CD80: variants seen among roughly 807,000 people sequenced by gnomAD.
CD80 encodes T-lymphocyte activation antigen CD80.
Under a neutral mutation model 27.1 loss-of-function variants are expected in CD80, and 13 were observed. That is an observed-to-expected ratio of 0.48 (90% confidence interval 0.31 to 0.76). The LOEUF (loss-of-function observed/expected upper bound fraction) is 0.76, where lower values mean the gene tolerates loss of function less well. CD80 is among the 30% of genes least tolerant of loss of function. CD80 has a pLI of 0.04. For synonymous variants in CD80, 125 were observed against 125.5 expected (o/e 1.00, Z 0.03); for missense variants, 277 against 347.9 (o/e 0.80, Z 1.62).
At chr3:119,532,231 G>A (rs1017088397) in intron 4 of CD80, among the ~76,000 whole-genome samples, 3 of 152,168 alleles carry the variant, frequency 2.0e-5, no homozygotes, top group African/African-American at 7.2e-5. Context: ...GCTGGGCACA[G>A]TGGCTCACAC....
intron 2 of CD80, among the ~76,000 whole-genome samples, chr3:119,552,768 T>C (rs2082241056): frequency 6.6e-6 from 1 of 152,106 alleles, no homozygotes; most frequent in South Asian, 2.1e-4. Context: ...ATACGCAACA[T>C]GGATGAACCT....
chr3:119,536,854 C>T (rs373521578), intron 4 of CD80, among the ~76,000 whole-genome samples: 13 of 152,236 alleles, frequency 8.5e-5, no homozygotes, highest in South Asian at 2.1e-4. Context: ...TGTTTACATA[C>T]GCTTAGATAC....
intron 4 of CD80, among the ~76,000 whole-genome samples, chr3:119,531,193 A>C (rs1257409213): frequency 2.6e-5 from 4 of 152,006 alleles, no homozygotes; most frequent in African/African-American, 9.7e-5. Flanking sequence ...TTGATTCAAG[A>C]CTCTTCCCAC....
At chr3:119,546,359 G>A (rs2082202776) in intron 2 of CD80, among the ~76,000 whole-genome samples, 1 of 152,054 alleles carries the variant, frequency 6.6e-6, no homozygotes, top group East Asian at 1.9e-4. Context: ...TTCCTCTGTG[G>A]TGGCTCTATG....
chr3:119,540,585 T>C (rs2082162467), intron 3 of CD80, among the ~76,000 whole-genome samples: 1 of 152,228 alleles, frequency 6.6e-6, no homozygotes, highest in African/African-American at 2.4e-5. Flanking sequence ...AGCTGATATC[T>C]AGAATATTCT....
At chr3:119,557,529 C>T (rs2082271191) in intron 2 of CD80, 100 bp downstream of exon 2, 3 of 690,262 alleles carry the variant, frequency 4.3e-6, no homozygotes, top group South Asian at 6.0e-5. Flanking sequence ...AGGTTCCTTC[C>T]AGCTTATAGG....
At chr3:119,529,967 T>A (rs2082100982) in intron 4 of CD80, 30 bp from the exon 5 acceptor site, 1 of 1,436,844 alleles carries the variant, frequency 7.0e-7, no homozygotes, top group Non-Finnish European at 9.8e-7. Flanking sequence ...ATGTCAGCTG[T>A]AATGTATTTC....
chr3:119,545,663 A>G (rs750065826), intron 2 of CD80, among the ~76,000 whole-genome samples: 2 of 152,170 alleles, frequency 1.3e-5, no homozygotes, highest in Non-Finnish European at 2.9e-5. Flanking sequence ...TTCACGTTGT[A>G]GCATATGATA....
intron 2 of CD80, among the ~76,000 whole-genome samples, chr3:119,545,335 T>A (rs539331812): frequency 3.0e-4 from 45 of 150,020 alleles, no homozygotes; most frequent in Non-Finnish European, 4.4e-4. Context: ...AAACTCCATC[T>A]CCAAACAAAC....
intron 4 of CD80, among the ~76,000 whole-genome samples, chr3:119,530,635 A>G (rs503083): frequency 0.11 from 16,101 of 152,068 alleles, 2,095 homozygotes; most frequent in African/African-American, 0.31. Flanking sequence ...GTGTTGGTGG[A>G]TATGGTGCTG....
At chr3:119,532,384 T>G (rs921812590) in intron 4 of CD80, among the ~76,000 whole-genome samples, 3 of 151,846 alleles carry the variant, frequency 2.0e-5, no homozygotes, top group Admixed American at 6.6e-5. Context: ...TCCCAGGTAC[T>G]CAGGAGGCTG....
At chr3:119,550,255 C>T (rs1209605490) in intron 2 of CD80, among the ~76,000 whole-genome samples, 3 of 152,108 alleles carry the variant, frequency 2.0e-5, no homozygotes, top group African/African-American at 4.8e-5. Flanking sequence ...CTTTCCCCAC[C>T]GAACTATTCA....
At chr3:119,548,354 T>C (rs1377574502) in intron 2 of CD80, among the ~76,000 whole-genome samples, 1 of 152,164 alleles carries the variant, frequency 6.6e-6, no homozygotes, top group Non-Finnish European at 1.5e-5. Flanking sequence ...CAGATGCCTA[T>C]GGGCCAGGAG....
At chr3:119,528,849 C>G (rs2082093128) in intron 5 of CD80, among the ~76,000 whole-genome samples, 2 of 554 alleles carry the variant, frequency 3.6e-3, no homozygotes, top group Non-Finnish European at 6.9e-3. Context: ...TTGCTTGAAC[C>G]TGGGAGGCGG....
intron 1 of CD80, 148 bp from the exon 2 acceptor site, chr3:119,558,076 G>A (rs1577115123): frequency 5.9e-6 from 1 of 168,088 alleles, no homozygotes; most frequent in South Asian, 1.9e-4. Context: ...AAAGCGAATG[G>A]AAATTCTGTG....
intron 4 of CD80, among the ~76,000 whole-genome samples, chr3:119,534,747 C>G (rs1313042668): frequency 1.3e-5 from 2 of 152,082 alleles, no homozygotes; most frequent in Non-Finnish European, 2.9e-5. Flanking sequence ...ACTTAATAAA[C>G]TATATGATTG....
In CD80 at chr3:119,524,979, A is replaced by C. The variant is rs1344601145; in HGVS notation, c.*809T>G. ...CATAAATATTTTACAAATGAGGTCA[A>C]ACTAGCATAAAGCCATTTAAAGAGA... On this transcript the variant is annotated 3_prime_UTR_variant, in exon 7 of 7. Coordinates refer to ENST00000264246, the MANE Select transcript of CD80 (RefSeq NM_005191.4). 6.6e-6 allele frequency: 1 copy of C among 152,266 alleles called. No individual in the cohort carries two copies. The highest frequency in any genetic ancestry group is 6.5e-5 in the Admixed American group (1 of 15,282). 9.4% of individuals were successfully genotyped at this position (152,266 alleles called of 1,614,324 possible).
intron 2 of CD80, among the ~76,000 whole-genome samples, chr3:119,546,375 G>A (rs2082202847): frequency 6.6e-6 from 1 of 152,072 alleles, no homozygotes; most frequent in African/African-American, 2.4e-5. Context: ...CTATGGAGGG[G>A]ACAGGTGCTA....
At chr3:119,538,878 G>A (rs187275330) in intron 3 of CD80, among the ~76,000 whole-genome samples, 5 of 152,256 alleles carry the variant, frequency 3.3e-5, no homozygotes, top group Admixed American at 6.5e-5. Context: ...CATTGTGTGC[G>A]TGTGAGTGGG....
Sources: allele counts gnomAD v4.1 joint callset (sites outside exome capture counted in the v4.1 genomes callset), GRCh38; gene constraint gnomAD v4.1.1; transcripts MANE v1.5; gene names NCBI Gene and HGNC (gene_info 2026-07-23, HGNC 2026-07-21).